The following EGFL6 variants were observed in gnomAD, a reference collection of about 807,000 sequenced individuals.
The protein encoded by EGFL6 is EGF like domain multiple 6.
A neutral mutation model predicts 43.1 loss-of-function variants in EGFL6; 42 were observed. The ratio of observed to expected loss-of-function variants is 0.98; its 90% CI spans 0.76 to 1.26. The LOEUF (loss-of-function observed/expected upper bound fraction) is 1.26. EGFL6 is among the 50% of genes most tolerant of loss of function. The probability of loss-of-function intolerance (pLI) is 0.00; values close to 1 mark genes in which losing one functional copy is unlikely to be tolerated. For missense variants in EGFL6, 429 were observed against 427.8 expected (o/e 1.00, Z -0.02); for synonymous variants, 164 against 163.2 (o/e 1.01, Z -0.04).
At chrX:13,573,756 T>C (rs1356306388) in intron 1 of EGFL6, among the ~76,000 whole-genome samples, 1 of 104,241 alleles carries the variant, frequency 9.6e-6, no homozygotes, top group African/African-American at 4.3e-5. Context: ...GAATTACATT[T>C]GATTTGGTCT....
chrX:13,626,748 C>T (rs1426138433), intron 10 of EGFL6, among the ~76,000 whole-genome samples: 1 of 112,215 alleles, frequency 8.9e-6, no homozygotes, highest in Non-Finnish European at 1.9e-5. Flanking sequence ...ATTCTTACCC[C>T]ATATCTTTGT....
chrX:13,631,517 C>T (rs1412825017), intron 11 of EGFL6, among the ~76,000 whole-genome samples: 2 of 111,731 alleles, frequency 1.8e-5, no homozygotes, highest in Non-Finnish European at 3.8e-5. Context: ...CGCAGTGGCT[C>T]ATGCCTGTAA....
rs1347749271 is a variant in EGFL6 at position 13,633,248 on chromosome X, T to C, written c.*153T>C. The C allele has an allele frequency of 2.4e-6, 1 of 414,871 alleles. No individual in the cohort carries two copies. The highest frequency in any genetic ancestry group is 4.0e-6 in the Non-Finnish European group (1 of 247,452). The allele number at this position is 414,871 out of a possible 1,213,427, so 34.2% of individuals were successfully genotyped here. On this transcript the variant is annotated 3_prime_UTR_variant, in exon 12 of 12. Coordinates refer to ENST00000361306, the MANE Select transcript of EGFL6 (RefSeq NM_015507.4). ...TAAGATGCCTTTCTTGTATAAGATA[T>C]GCCAATATTTGCTTTAAATATCATA...
rs761055191 is a variant in EGFL6, at chrX:13,616,825, C to T, written c.779-905C>T. Among the ~76,000 whole-genome samples the T allele has an allele frequency of 5.5e-4, 61 of 109,963 alleles. 1 individual carries two copies. Among genetic ancestry groups the T allele is most frequent in the African/African-American group, 1.9e-3 (59 of 30,297 alleles). On this transcript the variant is annotated intron_variant, in intron 7 of 11. Coordinates refer to ENST00000361306, the MANE Select transcript of EGFL6 (RefSeq NM_015507.4). ...ATTTTTCCTCCAAGGGTCATTAGTCCACTGAGGGATAAGAAGAATTGATCT... is the reference window on the plus strand; with the variant it reads ...ATTTTTCCTCCAAGGGTCATTAGTCTACTGAGGGATAAGAAGAATTGATCT...
Position 13,617,984 on chromosome X carries a change from G to T in EGFL6, c.1033G>T (p.Asp345Tyr), listed in dbSNP as rs747763729. 4.1e-6 allele frequency: 5 copies of T among 1,211,859 alleles called. No homozygotes were observed. The South Asian group carries it at 8.8e-5, about 21-fold the overall frequency. ...AGAGAAAATGAAAGAGGGGCTTGAG[G>T]ATGAGAAAAGAGAAGAGAAAGCCCT... ...NEEKMKEGLEDEKREEKALKN... is the reference protein window; with the variant it reads ...NEEKMKEGLEYEKREEKALKN... The change falls in exon 8 of 12, where the codon GAT becomes TAT. Residue 345 changes from aspartate (D) to tyrosine (Y), a missense_variant. Physicochemically the swap from Asp to Tyr is radical, Grantham distance 160. Transcript: ENST00000361306.
At chrX:13,578,875 A>G (rs936954201) in intron 1 of EGFL6, among the ~76,000 whole-genome samples, 1 of 111,101 alleles carries the variant, frequency 9.0e-6, no homozygotes, top group Non-Finnish European at 1.9e-5. Context: ...ACATGTATAC[A>G]TATGTAACCT....
chrX:13,594,843 C>A lies in EGFL6; in HGVS notation c.195C>A (p.Cys65Ter), dbSNP rs777290359. Residue 65 changes from cysteine (C) to a stop codon, truncating the protein, a stop_gained, in exon 3 of 12, where the codon TGC becomes TGA. Transcript: ENST00000361306. LOFTEE classifies it high-confidence loss of function. ...RNSKGVCEATCEPGCKFGECV... is the reference protein window; with the variant it reads ...RNSKGVCEAT ...CATCTTTTCCTTCCACAGCTACATG[C>A]GAACCTGGATGTAAGTTTGGTGAGT... 15 of 1,208,462 alleles carry A rather than the reference C, an allele frequency of 1.2e-5. No homozygotes were observed. Among genetic ancestry groups the A allele is most frequent in the South Asian group, 5.3e-5 (3 of 56,440 alleles).
Position 13,623,921 on chromosome X carries a change from T to A in EGFL6, c.1281T>A (p.Asp427Glu), listed in dbSNP as rs2045764438. 4.2e-6 allele frequency: 5 copies of A among 1,181,993 alleles called. No homozygotes were observed. In the South Asian group the frequency reaches 8.9e-5, roughly 21 times the overall value. The change falls in exon 10 of 12, where the codon GAT becomes GAA. Residue 427 changes from aspartate to glutamate, a missense_variant. Asp to Glu is a conservative substitution (Grantham distance 45, BLOSUM62 2). Coordinates refer to ENST00000361306, the MANE Select transcript of EGFL6 (RefSeq NM_015507.4). ...TTGACTGGAATCCTGCTGATCGAGA[T>A]AATGGTATTTATATTTGACAGTTTC... ...DDFDWNPADRDNAIGFYMAVP... is the reference protein window; with the variant it reads ...DDFDWNPADRENAIGFYMAVP...
At chrX:13,627,817 C>T (rs1162738708) in intron 11 of EGFL6, among the ~76,000 whole-genome samples, 2 of 111,696 alleles carry the variant, frequency 1.8e-5, no homozygotes, top group African/African-American at 6.5e-5. Flanking sequence ...ACACGTAGGG[C>T]AGAATCCAGG....
rs1426477926 is a variant in EGFL6 at position 13,619,035 on chromosome X, C to T, written c.1103-128C>T. ...GAATTATTTGGAAATGTTAGGGAAA[C>T]ACTGCTCTAATATATTCTGTAATTA... On this transcript the variant is annotated intron_variant, in intron 8 of 11. Coordinates refer to ENST00000361306, the MANE Select transcript of EGFL6 (RefSeq NM_015507.4). 5.9e-5 allele frequency: 29 copies of T among 487,546 alleles called. No individual in the cohort carries two copies. In the East Asian group the frequency reaches 1.0e-3, roughly 18 times the overall value. 40.2% of individuals were successfully genotyped at this position (487,546 alleles called of 1,213,427 possible).
intron 9 of EGFL6, among the ~76,000 whole-genome samples, chrX:13,622,098 CA>C (rs1241840953): frequency 8.9e-6 from 1 of 112,355 alleles, no homozygotes; most frequent in Non-Finnish European, 1.9e-5. Flanking sequence ...TATTAGCACT[CA>C]TTGAAGAATA....
chrX:13,603,251 T>C, intron 4 of EGFL6, 66 bp from the exon 5 acceptor site: 1 of 1,098,964 alleles, frequency 9.1e-7, no homozygotes, highest in Non-Finnish European at 1.2e-6. Flanking sequence ...AATTTGGTGA[T>C]AGTTTCTTAG....
intron 7 of EGFL6, among the ~76,000 whole-genome samples, chrX:13,609,728 T>C (rs9306795): frequency 0.076 from 8,470 of 110,961 alleles, 272 homozygotes; most frequent in East Asian, 0.13. Flanking sequence ...CACTCCAGCC[T>C]GGGCAACAGA....
intron 9 of EGFL6, among the ~76,000 whole-genome samples, chrX:13,623,376 G>GTTTTTTTTTTTTTTTTTTTTTTTTTT (rs1569209997): frequency 4.9e-5 from 2 of 41,033 alleles, no homozygotes; most frequent in Admixed American, 5.2e-4. Flanking sequence ...TTTTATTTTG[G>GTTTTTTTTTTTTTTTTTTTTTTTTTT]GTTTTTTTTT....
At chrX:13,583,247 AT>A (rs758216202) in intron 1 of EGFL6, among the ~76,000 whole-genome samples, 1 of 110,366 alleles carries the variant, frequency 9.1e-6, no homozygotes, top group Non-Finnish European at 1.9e-5. Flanking sequence ...GGCACAGGCT[AT>A]TTTTTCTGCC....
chrX:13,631,097 A>C (rs1386277430), intron 11 of EGFL6, among the ~76,000 whole-genome samples: 1 of 112,782 alleles, frequency 8.9e-6, no homozygotes, highest in African/African-American at 3.2e-5. Flanking sequence ...CTGTAACTGC[A>C]GTATGCGTAG....
At chrX:13,584,341 C>T (rs978995280) in intron 1 of EGFL6, among the ~76,000 whole-genome samples, 2 of 111,771 alleles carry the variant, frequency 1.8e-5, no homozygotes, top group Admixed American at 1.9e-4. Flanking sequence ...CTGAGCATTG[C>T]CTGGGCCTCT....
intron 3 of EGFL6, among the ~76,000 whole-genome samples, chrX:13,595,887 T>C (rs1429739032): frequency 9.1e-6 from 1 of 110,071 alleles, no homozygotes. Flanking sequence ...GCCTGGCTAC[T>C]TTTTACAGTT....
chrX:13,595,400 G>A (rs1480815622), intron 3 of EGFL6, among the ~76,000 whole-genome samples: 1 of 111,765 alleles, frequency 8.9e-6, no homozygotes. Context: ...TTAGATCCTG[G>A]AAGTCTTTTT....
Sources: gnomAD v4.1 joint callset for allele counts (sites outside exome capture counted in the v4.1 genomes callset) on GRCh38, gnomAD v4.1.1 for gene constraint, MANE v1.5 for transcripts, NCBI Gene and HGNC (gene_info 2026-07-23, HGNC 2026-07-21) for gene names.